MCU: variants seen among roughly 807,000 people sequenced by gnomAD.
MCU encodes calcium uniporter protein, mitochondrial.
A neutral mutation model predicts 45.2 loss-of-function variants in MCU; 12 were observed. That is an observed-to-expected ratio of 0.27 (90% CI 0.17 to 0.43). MCU has a LOEUF of 0.43. Ranked by LOEUF, MCU falls within the 20% of genes least tolerant of loss-of-function variation. MCU has a pLI of 1.00. For missense variants in MCU, 324 were observed against 436.7 expected, an observed-to-expected ratio of 0.74 and a Z score of 2.30; for synonymous variants, 160 against 165.1, an observed-to-expected ratio of 0.97 and a Z score of 0.24.
chr10:72,717,651 C>G (rs1842971122), intron 1 of MCU, among the ~76,000 whole-genome samples: 1 of 152,138 alleles, frequency 6.6e-6, no homozygotes, highest in African/African-American at 2.4e-5. Flanking sequence ...GAGCCTTGTT[C>G]ATAATTTTGA....
chr10:72,812,082 TG>T (rs1045237140), intron 1 of MCU, among the ~76,000 whole-genome samples: 3 of 102,308 alleles, frequency 2.9e-5, no homozygotes, highest in Non-Finnish European at 7.7e-5. Flanking sequence ...ATGTTTATAG[TG>T]CTTTTTTTTT....
intron 1 of MCU, among the ~76,000 whole-genome samples, chr10:72,760,182 C>T (rs191091658): frequency 6.8e-4 from 103 of 152,084 alleles, no homozygotes; most frequent in Non-Finnish European, 9.6e-4. Flanking sequence ...GTAGCAAGGA[C>T]CACAGGCATA....
intron 1 of MCU, among the ~76,000 whole-genome samples, chr10:72,741,381 G>C (rs957548764): frequency 6.6e-6 from 1 of 152,162 alleles, no homozygotes; most frequent in Admixed American, 6.5e-5. Flanking sequence ...GATTAAAGGC[G>C]TGAGCCACCG....
chr10:72,874,090 T>C (rs575179700), intron 6 of MCU, among the ~76,000 whole-genome samples: 2 of 152,354 alleles, frequency 1.3e-5, no homozygotes, highest in Admixed American at 6.5e-5. Context: ...CAAGGTTTTT[T>C]CTGGTTCTGC....
chr10:72,750,176 T>C (rs560664935), intron 1 of MCU, among the ~76,000 whole-genome samples: 1 of 152,160 alleles, frequency 6.6e-6, no homozygotes, highest in East Asian at 1.9e-4. Context: ...GTGAGTGAGG[T>C]CTCCTTCATC....
At chr10:72,740,461 G>T (rs1843311745) in intron 1 of MCU, among the ~76,000 whole-genome samples, 1 of 151,892 alleles carries the variant, frequency 6.6e-6, no homozygotes, top group African/African-American at 2.4e-5. Context: ...AGGATGGGAA[G>T]CTCCATAATT....
chr10:72,754,216 A>C (rs965535778), intron 1 of MCU, among the ~76,000 whole-genome samples: 2 of 152,162 alleles, frequency 1.3e-5, no homozygotes, highest in Non-Finnish European at 2.9e-5. Context: ...TGAGCTGAAC[A>C]TGGGCAGAAT....
intron 1 of MCU, among the ~76,000 whole-genome samples, chr10:72,741,449 A>G (rs1027787815): frequency 6.6e-6 from 1 of 152,214 alleles, no homozygotes; most frequent in Admixed American, 6.5e-5. Flanking sequence ...CAATAAGCAT[A>G]AGCAAATTAT....
At chr10:72,736,502 C>T (rs1843253808) in intron 1 of MCU, 1 of 152,130 alleles carries the variant, frequency 6.6e-6, no homozygotes, top group Non-Finnish European at 1.5e-5. Context: ...TGTTATATCC[C>T]CCAGAGACCA....
At chr10:72,856,647 T>C (rs916844900) in intron 2 of MCU, among the ~76,000 whole-genome samples, 13 of 151,794 alleles carry the variant, frequency 8.6e-5, no homozygotes, top group African/African-American at 3.1e-4. Context: ...AAAAATTGTT[T>C]TTAGAAGCCA....
At chr10:72,738,279 A>G (rs946125091) in intron 1 of MCU, among the ~76,000 whole-genome samples, 4 of 152,216 alleles carry the variant, frequency 2.6e-5, no homozygotes, top group African/African-American at 7.2e-5. Context: ...CCTTACTTAT[A>G]TGTCCAACAA....
intron 1 of MCU, chr10:72,692,591 A>G: frequency 9.1e-7 from 1 of 1,097,290 alleles, no homozygotes; most frequent in Non-Finnish European, 1.1e-6. Context: ...CCTCTCCCCG[A>G]CTCGCCCCCA....
At chr10:72,748,636 G>A (rs1057129182) in intron 1 of MCU, among the ~76,000 whole-genome samples, 10 of 151,846 alleles carry the variant, frequency 6.6e-5, no homozygotes, top group African/African-American at 1.5e-4. Flanking sequence ...AGGCAACATA[G>A]CAAGACCCTG....
At chr10:72,841,653 C>T (rs1188632032) in intron 2 of MCU, among the ~76,000 whole-genome samples, 4 of 152,162 alleles carry the variant, frequency 2.6e-5, no homozygotes, top group Non-Finnish European at 5.9e-5. Flanking sequence ...GATGGTGCAT[C>T]TTCCAAACTT....
intron 1 of MCU, among the ~76,000 whole-genome samples, chr10:72,812,907 C>T (rs947937506): frequency 2.6e-5 from 4 of 152,174 alleles, no homozygotes; most frequent in African/African-American, 9.7e-5. Context: ...AGTTAATCAT[C>T]TCTGTGGCTT....
At chr10:72,838,482 G>A (rs530791663) in intron 2 of MCU, among the ~76,000 whole-genome samples, 1 of 152,038 alleles carries the variant, frequency 6.6e-6, no homozygotes, top group South Asian at 2.1e-4. Flanking sequence ...GTGGTGGCAT[G>A]TGCCTGTTGT....
intron 1 of MCU, chr10:72,760,745 G>T (rs1843645052): frequency 6.8e-6 from 1 of 147,174 alleles, no homozygotes; most frequent in African/African-American, 2.6e-5. Flanking sequence ...CAGAGACAGG[G>T]TCTCACTGTG....
In MCU at chr10:72,868,769, C is replaced by G; in HGVS notation, c.563C>G (p.Thr188Ser). ...DVKTLVQQLY[T>S]TLCIEQHQLN... The stretch of plus-strand genomic sequence containing the variant: ...AAGACATTGGTCCAGCAACTATACA[C>G]CACACTGTGCATTGAGCAGCACCAG... The change falls in exon 5 of 8, where the codon ACC (threonine) becomes AGC (serine). Residue 188 changes from threonine to serine, a missense_variant. By Grantham distance (58) the Thr-to-Ser change is moderately conservative. Around this residue, in one of 4 missense-constraint regions of MCU, gnomAD observed 135 missense variants for 207.3 expected, o/e 0.65. Coordinates refer to ENST00000373053, the MANE Select transcript of MCU (RefSeq NM_138357.3). The G allele has an allele frequency of 6.2e-7, 1 of 1,614,102 alleles. No individual in the cohort carries two copies. The highest frequency in any genetic ancestry group is 8.5e-7 in the Non-Finnish European group (1 of 1,179,990).
intron 4 of MCU, among the ~76,000 whole-genome samples, chr10:72,867,385 T>C (rs1564579232): frequency 6.6e-6 from 1 of 152,178 alleles, no homozygotes; most frequent in Non-Finnish European, 1.5e-5. Flanking sequence ...AAATACATGC[T>C]ACTCACAATA....
Sources: gnomAD v4.1 joint callset for allele counts (sites outside exome capture counted in the v4.1 genomes callset) on GRCh38, gnomAD v4.1.1 for gene constraint, gnomAD v4.1.1 regional missense constraint, MANE v1.5 for transcripts, NCBI Gene and HGNC (gene_info 2026-07-23, HGNC 2026-07-21) for gene names.